The following ABCF2 variants were observed in gnomAD, a reference collection of about 807,000 sequenced individuals.
ABCF2 encodes the protein ATP-binding cassette sub-family F member 2.
ABCF2 carries 37 observed loss-of-function variants against 76.9 expected under a neutral mutation model. The ratio of observed to expected loss-of-function variants is 0.48; its 90% confidence interval spans 0.37 to 0.63. ABCF2 has a LOEUF of 0.63. Among genes scored for constraint, ABCF2 ranks in the 30% least tolerant of loss-of-function variants. The probability of loss-of-function intolerance (pLI) is 0.00; values close to 1 mark genes in which losing one functional copy is unlikely to be tolerated. For synonymous variants in ABCF2, 299 were observed against 283.7 expected (o/e 1.05, Z -0.54); for missense variants, 524 against 782.1 (o/e 0.67, Z 3.94).
Position 151,221,648 on chromosome 7 carries a change from G to C in ABCF2, c.851C>G (p.Ser284Cys), listed in dbSNP as rs775101547. ...ACAGACACCATTCAGAAAATCCTGG[G>C]AATGGGAGACGAGGACCAAGATGCG... ...FKRILVLVSH[S>C]QDFLNGVCTN... The change falls in exon 7 of 15, where the codon TCC becomes TGC. Residue 284 changes from serine to cysteine, a missense_variant. Coordinates refer to ENST00000287844, the MANE Select transcript of ABCF2 (RefSeq NM_007189.3). 1.2e-6 allele frequency: 2 copies of C among 1,612,586 alleles called. No individual in the cohort carries two copies. The highest frequency in any genetic ancestry group is 1.1e-5 in the South Asian group (1 of 91,052).
Position 151,214,165 on chromosome 7 carries a change from C to T in ABCF2, c.1761G>A (p.Glu587=). Reference sequence around the variant, plus strand: ...CAGGCCACTTGGTGATTGTCTGCTTCTCACAGACCCAAATTTCCTGTGCAA... The same window carrying T: ...CAGGCCACTTGGTGATTGTCTGCTTTTCACAGACCCAAATTTCCTGTGCAA... ...QQVAQEIWVC[E]KQTITKWPGD... Residue 587 remains glutamate (E), a synonymous_variant, in exon 15 of 15, where the codon GAG becomes GAA. Transcript: ENST00000287844. This position sits in a 1 kb window ranked among gnomAD's most constrained non-coding sequence, Gnocchi z 4.9. 6.2e-7 allele frequency: 1 copy of T among 1,614,204 alleles called. No homozygotes were observed. The highest frequency in any genetic ancestry group is 1.7e-5 in the Admixed American group (1 of 60,028).
Position 151,218,263 on chromosome 7 carries a change from C to T in ABCF2, c.1228-72G>A, listed in dbSNP as rs553970201. On this transcript the variant is annotated intron_variant, in intron 10 of 14. Coordinates refer to ENST00000287844, the MANE Select transcript of ABCF2 (RefSeq NM_007189.3). ...TCTGCTATGACCAGCAGACCAAGCC[C>T]GCTGAATTCCCAGTCACCAAGAGAG... 439 of 1,076,826 alleles carry T rather than the reference C, an allele frequency of 4.1e-4. 5 individuals carry two copies. The South Asian group carries it at 5.2e-3, about 13-fold the overall frequency. 66.7% of individuals were successfully genotyped at this position (1,076,826 alleles called of 1,614,324 possible).
intron 7 of ABCF2, among the ~76,000 whole-genome samples, chr7:151,220,408 G>C (rs909938523): frequency 1.5e-5 from 2 of 130,844 alleles, no homozygotes; most frequent in African/African-American, 5.8e-5. Flanking sequence ...AAAAAAAAAA[G>C]CTGCAATTGT....
intron 5 of ABCF2, 145 bp from the exon 6 acceptor site, chr7:151,222,761 G>C (rs954089437): frequency 1.7e-6 from 1 of 588,360 alleles, no homozygotes; most frequent in Non-Finnish European, 3.0e-6. Flanking sequence ...ACCTCAGAGG[G>C]AAAAGGAGAA....
chr7:151,212,115 T>G lies in ABCF2; in HGVS notation c.*1939A>C, dbSNP rs1318197700. On this transcript the variant is annotated 3_prime_UTR_variant, in exon 15 of 15. Coordinates refer to ENST00000287844, the MANE Select transcript of ABCF2 (RefSeq NM_007189.3). The stretch of plus-strand genomic sequence containing the variant: ...GCTTTCCAAGAAGATCATGAGCTCC[T>G]AAGGGGTTTAAGCACCATCTGGGAC... 1.0e-6 allele frequency: 1 copy of G among 984,162 alleles called. No individual in the cohort carries two copies. The allele number at this position is 984,162 out of a possible 1,614,324, so 61.0% of individuals were successfully genotyped here.
chr7:151,216,375 TAGAAAC>T (rs1289418950), intron 11 of ABCF2, among the ~76,000 whole-genome samples: 1 of 152,200 alleles, frequency 6.6e-6, no homozygotes, highest in Non-Finnish European at 1.5e-5. Flanking sequence ...GATAGGTTCT[TAGAAAC>T]AGAACCTATT....
At chr7:151,218,264 G>A (rs1045658178) in intron 10 of ABCF2, 73 bp from the exon 11 acceptor site, 38 of 1,073,998 alleles carry the variant, frequency 3.5e-5, no homozygotes, top group East Asian at 9.5e-5. Flanking sequence ...GACCAAGCCC[G>A]CTGAATTCCC....
Position 151,212,893 on chromosome 7 carries a change from G to A in ABCF2, c.*1161C>T. 5.6e-6 allele frequency: 1 copy of A among 178,804 alleles called. No individual in the cohort carries two copies. Among genetic ancestry groups the A allele is most frequent in the Non-Finnish European group, 1.1e-5 (1 of 92,418 alleles). 11.1% of individuals were successfully genotyped at this position (178,804 alleles called of 1,614,324 possible). A position where few individuals can be genotyped will look rare whatever the true frequency, so the allele number is the denominator to read the frequency against. ...AGCTCACTGCAACCTCCACCTCCTG[G>A]GCTCAAGCGATCCATCCACCCTAGC... On this transcript the variant is annotated 3_prime_UTR_variant, in exon 15 of 15. Transcript: ENST00000287844.
intron 10 of ABCF2, among the ~76,000 whole-genome samples, 180 bp from the exon 11 acceptor site, chr7:151,218,371 GTCT>G (rs1436069107): frequency 6.6e-6 from 1 of 152,154 alleles, no homozygotes; most frequent in African/African-American, 2.4e-5. Flanking sequence ...CAGCTGAGTA[GTCT>G]TCTTTCCATA....
At position 151,215,322 on chromosome 7, in the gene ABCF2, T is replaced by C. The variant is rs957457096; in HGVS notation, c.1531-240A>G. On this transcript the variant is annotated intron_variant, in intron 13 of 14. Transcript: ENST00000287844. The surrounding 1 kb of genome is among the most constrained non-coding windows in gnomAD (Gnocchi z 4.6). ...GCAATGAATTGGATCCTTCCAGATC[T>C]GAATCCAGAAATTTGTTTTCTAGAT... is the stretch of plus-strand genomic sequence containing the variant. Among the ~76,000 whole-genome samples the C allele has an allele frequency of 1.3e-5, 2 of 152,216 alleles. No homozygotes were observed. Among genetic ancestry groups the C allele is most frequent in the Admixed American group, 6.5e-5 (1 of 15,276 alleles).
rs1802046499 is a variant in ABCF2 at position 151,211,616 on chromosome 7, T to A, written c.*2438A>T. 11 of 985,332 alleles carry A rather than the reference T, an allele frequency of 1.1e-5. No individual in the cohort carries two copies. Among genetic ancestry groups the A allele is most frequent in the Non-Finnish European group, 1.2e-5 (10 of 829,832 alleles). 61.0% of individuals were successfully genotyped at this position (985,332 alleles called of 1,614,324 possible). On this transcript the variant is annotated 3_prime_UTR_variant, in exon 15 of 15. Coordinates refer to ENST00000287844, the MANE Select transcript of ABCF2 (RefSeq NM_007189.3). ...GTTCTGAAGATCTCCTGTCCTAGTA[T>A]GGAGACTCTGGAGATCCCGAGACTA...
intron 3 of ABCF2, 108 bp downstream of exon 3, chr7:151,224,668 C>G: frequency 9.6e-7 from 1 of 1,037,832 alleles, no homozygotes; most frequent in Non-Finnish European, 1.5e-6. Flanking sequence ...GGTCTCCCAT[C>G]CCTATTCTAA....
Position 151,221,588 on chromosome 7 carries a change from T to C in ABCF2, c.911A>G (p.Lys304Arg), listed in dbSNP as rs373364052. The part of the protein sequence containing the change: ...NIIHMHNKKL[K>R]YYTGNYDQYV... ...CCGAGGCCCACTCACCGTATAATAC[T>C]TCAGTTTCTTGTTGTGCATGTGAAT... The change falls in exon 7 of 15, where the codon AAG becomes AGG. Residue 304 changes from lysine to arginine, a missense_variant. Physicochemically the swap from Lys to Arg is conservative, Grantham distance 26. Transcript: ENST00000287844. 1.3e-6 allele frequency: 2 copies of C among 1,590,136 alleles called. No individual in the cohort carries two copies. Among genetic ancestry groups the C allele is most frequent in the South Asian group, 1.1e-5 (1 of 90,568 alleles).
chr7:151,222,416 A>C (rs1802287078), intron 6 of ABCF2, 105 bp downstream of exon 6: 2 of 878,088 alleles, frequency 2.3e-6, no homozygotes, highest in Admixed American at 4.2e-5. Flanking sequence ...TCCTTCCTTC[A>C]GTTCCTTTCT....
intron 5 of ABCF2, among the ~76,000 whole-genome samples, chr7:151,223,286 A>T (rs879316162): frequency 2.6e-5 from 4 of 152,204 alleles, no homozygotes; most frequent in East Asian, 1.9e-4. Context: ...CCAGGCCACA[A>T]GAGAATAAGA....
At chr7:151,226,992 C>T (rs1802386737) in intron 1 of ABCF2, 171 bp downstream of exon 1, 1 of 152,840 alleles carries the variant, frequency 6.5e-6, no homozygotes. Context: ...AGTCTCCACG[C>T]TCGTCACCCC....
chr7:151,218,754 C>A lies in ABCF2; in HGVS notation c.1137G>T (p.Lys379Asn), dbSNP rs770990449. Reference sequence around the variant, plus strand: ...CACACCCCACCCAATCACACCCCACCTTATCGCTCACGACCCTCTCTGTCA... The same window carrying A: ...CACACCCCACCCAATCACACCCCACATTATCGCTCACGACCCTCTCTGTCA... ...SGLTERVVSDKTLSFYFPPCG... is the reference protein window; with the variant it reads ...SGLTERVVSDNTLSFYFPPCG... Residue 379 changes from lysine (K) to asparagine (N), a missense_variant and splice_region_variant, in exon 9 of 15, where the codon AAG (lysine) becomes AAT (asparagine). Lys to Asn is a moderately conservative substitution (Grantham distance 94). Coordinates refer to ENST00000287844, the MANE Select transcript of ABCF2 (RefSeq NM_007189.3). The A allele has an allele frequency of 6.2e-7, 1 of 1,613,862 alleles. No homozygotes were observed. Among genetic ancestry groups the A allele is most frequent in the Non-Finnish European group, 8.5e-7 (1 of 1,180,016 alleles).
At position 151,215,940 on chromosome 7, in the gene ABCF2, C is replaced by A. The variant is rs1328697061; in HGVS notation, c.1401+27G>T. On this transcript the variant is annotated intron_variant, in intron 12 of 14. Coordinates refer to ENST00000287844, the MANE Select transcript of ABCF2 (RefSeq NM_007189.3). The surrounding 1 kb of genome is among the most constrained non-coding windows in gnomAD (Gnocchi z 4.6). ...GCCCCTCCCTATACCCTGGGCAATT[C>A]CCCGGATCCCAACCCCAGGCCTGTA... 2 of 1,612,598 alleles carry A rather than the reference C, an allele frequency of 1.2e-6. No homozygotes were observed. The highest frequency in any genetic ancestry group is 1.7e-6 in the Non-Finnish European group (2 of 1,178,684).
intron 3 of ABCF2, 85 bp from the exon 4 acceptor site, chr7:151,224,199 G>GGGT: frequency 7.1e-7 from 1 of 1,404,664 alleles, no homozygotes; most frequent in Non-Finnish European, 9.7e-7. Context: ...AGTCAAACTG[G>GGGT]GACCTCATCC....
Sources: gnomAD v4.1 joint callset for allele counts (sites outside exome capture counted in the v4.1 genomes callset) on GRCh38, gnomAD v4.1.1 for gene constraint, Gnocchi (gnomAD v3.1) non-coding constraint, MANE v1.5 for transcripts, NCBI Gene and HGNC (gene_info 2026-07-23, HGNC 2026-07-21) for gene names.